Variants in FGFRL1 observed in about 807,000 individuals in gnomAD.
FGFRL1 encodes fibroblast growth factor receptor-like 1.
FGFRL1 carries 24 observed loss-of-function variants against 36.8 expected under a neutral mutation model. The observed-to-expected ratio is 0.65, with a 90% confidence interval of 0.47 to 0.92. The LOEUF (loss-of-function observed/expected upper bound fraction) is 0.92. Among genes scored for constraint, FGFRL1 ranks in the 40% least tolerant of loss-of-function variants. The pLI is 0.00. For synonymous variants in FGFRL1, 422 were observed against 344.1 expected, an observed-to-expected ratio of 1.23 and a Z score of -2.50; for missense variants, 785 against 753.4, an observed-to-expected ratio of 1.04 and a Z score of -0.49.
intron 2 of FGFRL1, among the ~76,000 whole-genome samples, chr4:1,018,645 TC>T (rs1454733647): frequency 2.6e-5 from 4 of 152,122 alleles, no homozygotes; most frequent in Non-Finnish European, 5.9e-5. Context: ...CGGCGGGGGT[TC>T]CCTGTGTTTC....
At chr4:1,022,143 C>A (rs1716216155) in intron 2 of FGFRL1, 60 bp from the exon 3 acceptor site, 2 of 1,281,500 alleles carry the variant, frequency 1.6e-6, no homozygotes, top group Non-Finnish European at 2.1e-6. Context: ...CTTTTGACCG[C>A]CCCCCCGGCT....
Position 1,024,925 on chromosome 4 carries a change from C to T in FGFRL1, c.1093C>T (p.Pro365Ser). The stretch of plus-strand genomic sequence containing the variant: ...TGCAGACCCAAAACCGCCAGGGCCA[C>T]CTGTGGCCTCCTCGTCCTCGGCCAC... The part of the protein sequence containing the change: ...VLPDPKPPGP[P>S]VASSSSATSL... Residue 365 changes from proline (P) to serine (S), a missense_variant, in exon 7 of 7, where the codon CCT becomes TCT. Coordinates refer to ENST00000510644, the MANE Select transcript of FGFRL1 (RefSeq NM_001004356.3). The T allele has an allele frequency of 6.3e-7, 1 of 1,599,258 alleles. No individual in the cohort carries two copies. Among genetic ancestry groups the T allele is most frequent in the Non-Finnish European group, 8.5e-7 (1 of 1,176,070 alleles).
chr4:1,024,705 G>C, intron 6 of FGFRL1, 41 bp downstream of exon 6: 2 of 1,544,122 alleles, frequency 1.3e-6, no homozygotes, highest in Non-Finnish European at 1.7e-6. Context: ...GCTGGTGCCC[G>C]GACCCGCCCC....
At chr4:1,013,642 T>C (rs1233713427) in intron 2 of FGFRL1, among the ~76,000 whole-genome samples, 2 of 152,234 alleles carry the variant, frequency 1.3e-5, no homozygotes, top group Admixed American at 6.5e-5. Context: ...GCCCCTACCA[T>C]GGCCAGCGGC....
Position 1,025,518 on chromosome 4 carries a change from C to T in FGFRL1, c.*171C>T. The T allele has an allele frequency of 2.5e-6, 2 of 789,822 alleles. No individual in the cohort carries two copies. Among genetic ancestry groups the T allele is most frequent in the Middle Eastern group, 2.8e-4 (1 of 3,560 alleles). The allele number at this position is 789,822 out of a possible 1,614,324, so 48.9% of individuals were successfully genotyped here. A position where few individuals can be genotyped will look rare whatever the true frequency, so the allele number is the denominator to read the frequency against. Reference sequence around the variant, plus strand: ...CCCTGGACACACACACACAGACACACACACTGCCTGGATGCATGTATGCAC... The same window carrying T: ...CCCTGGACACACACACACAGACACATACACTGCCTGGATGCATGTATGCAC... On this transcript the variant is annotated 3_prime_UTR_variant, in exon 7 of 7. Coordinates refer to ENST00000510644, the MANE Select transcript of FGFRL1 (RefSeq NM_001004356.3).
At chr4:1,015,848 C>T (rs926565017) in intron 2 of FGFRL1, among the ~76,000 whole-genome samples, 1 of 152,230 alleles carries the variant, frequency 6.6e-6, no homozygotes, top group African/African-American at 2.4e-5. Context: ...CCAGTGGCTT[C>T]AAGGCCCTCT....
At chr4:1,017,276 C>T (rs545216119) in intron 2 of FGFRL1, among the ~76,000 whole-genome samples, 1 of 111,870 alleles carries the variant, frequency 8.9e-6, no homozygotes, top group Non-Finnish European at 2.3e-5. Context: ...TCCACTCTGG[C>T]CTCGTTCGGC....
chr4:1,012,984 A>G (rs13143527), intron 2 of FGFRL1, among the ~76,000 whole-genome samples: 87,118 of 152,090 alleles, frequency 0.57, 25,483 homozygotes, highest in African/African-American at 0.61. Context: ...AGGATGGGCT[A>G]TGGGAGATAT....
At position 1,026,787 on chromosome 4, in the gene FGFRL1, C is replaced by A. The variant is rs375839578; in HGVS notation, c.*1440C>A. On this transcript the variant is annotated 3_prime_UTR_variant, in exon 7 of 7. Coordinates refer to ENST00000510644, the MANE Select transcript of FGFRL1 (RefSeq NM_001004356.3). ...CCCGTCCAGGCCAGACACCACCCCC[C>A]ACCCCACTGTCGTGGTGGCCCCAGA... The A allele has an allele frequency of 4.4e-6, 2 of 450,470 alleles. No individual in the cohort carries two copies. Among genetic ancestry groups the A allele is most frequent in the South Asian group, 1.6e-5 (1 of 63,178 alleles). 27.9% of individuals were successfully genotyped at this position (450,470 alleles called of 1,614,324 possible). A position where few individuals can be genotyped will look rare whatever the true frequency, so the allele number is the denominator to read the frequency against.
chr4:1,010,279 A>G (rs1715520854), upstream of FGFRL1: 1 of 152,252 alleles, frequency 6.6e-6, no homozygotes, highest in South Asian at 2.1e-4. Context: ...CCCCGGGTGC[A>G]CAGCGGCGGC....
At chr4:1,014,854 A>C (rs1177554934) in intron 2 of FGFRL1, among the ~76,000 whole-genome samples, 11 of 152,128 alleles carry the variant, frequency 7.2e-5, no homozygotes, top group Non-Finnish European at 1.6e-4. Flanking sequence ...AGGGAAAATA[A>C]ATCACTGTCC....
chr4:1,024,189 G>A (rs928033143), intron 5 of FGFRL1, 88 bp downstream of exon 5: 3 of 1,184,216 alleles, frequency 2.5e-6, no homozygotes, highest in Non-Finnish European at 2.2e-6. Context: ...GGGGGCGCTG[G>A]TGGGCGGGGG....
At chr4:1,019,404 C>T (rs1045490247) in intron 2 of FGFRL1, among the ~76,000 whole-genome samples, 2 of 152,240 alleles carry the variant, frequency 1.3e-5, no homozygotes, top group African/African-American at 4.8e-5. Context: ...CCAGGCACCC[C>T]TGCAGGCTGT....
At position 1,022,255 on chromosome 4, in the gene FGFRL1, C is replaced by T; in HGVS notation, c.132C>T (p.Gly44=). The change falls in exon 3 of 7, where the codon GGC becomes GGT. Residue 44 remains glycine, a synonymous_variant. Coordinates refer to ENST00000510644, the MANE Select transcript of FGFRL1 (RefSeq NM_001004356.3). ...TCCCACGGCAGGTGGCCCGGCTGGG[C>T]CGCACTGTGCGGCTGCAGTGCCCAG... ...KVVPRQVARL[G]RTVRLQCPVE... 6.3e-7 allele frequency: 1 copy of T among 1,584,062 alleles called. No homozygotes were observed. The highest frequency in any genetic ancestry group is 8.6e-7 in the Non-Finnish European group (1 of 1,165,768).
Position 1,023,983 on chromosome 4 carries a change from G to A in FGFRL1, c.600G>A (p.Arg200=). Residue 200 remains arginine (R), a synonymous_variant, in exon 5 of 7, where the codon AGG becomes AGA. Coordinates refer to ENST00000510644, the MANE Select transcript of FGFRL1 (RefSeq NM_001004356.3). This position sits in a 1 kb window ranked among gnomAD's most constrained non-coding sequence, Gnocchi z 6.0. The part of the protein sequence containing the change: ...ALTRPEAAEP[R]KKKWTLSLKN... ...CGCGCCCAGAGGCCGCTGAGCCCAG[G>A]AAGAAGAAGTGGACACTGAGCCTGA... is the stretch of plus-strand genomic sequence containing the variant. The A allele has an allele frequency of 1.2e-6, 2 of 1,603,928 alleles. No homozygotes were observed. The highest frequency in any genetic ancestry group is 8.5e-7 in the Non-Finnish European group (1 of 1,176,974).
rs767784488 is a variant in FGFRL1, at chr4:1,012,493, C to T, written c.8C>T (p.Pro3Leu). MT[P>L]SPLLLLLLPP... is the part of the protein sequence containing the mutation. Reference sequence around the variant, plus strand: ...AGGTCCGGACAGGCCGAGATGACGCCGAGCCCCCTGTTGCTGCTCCTGCTG... The same window carrying T: ...AGGTCCGGACAGGCCGAGATGACGCTGAGCCCCCTGTTGCTGCTCCTGCTG... The change falls in exon 2 of 7, where the codon CCG becomes CTG. Residue 3 changes from proline to leucine, a missense_variant. By Grantham distance (98) the Pro-to-Leu change is moderately conservative (BLOSUM62 -3). Coordinates refer to ENST00000510644, the MANE Select transcript of FGFRL1 (RefSeq NM_001004356.3). 8.3e-6 allele frequency: 13 copies of T among 1,574,294 alleles called. No individual in the cohort carries two copies. The highest frequency in any genetic ancestry group is 2.3e-5 in the South Asian group (2 of 87,520).
intron 2 of FGFRL1, among the ~76,000 whole-genome samples, chr4:1,013,062 C>G (rs554851137): frequency 2.3e-4 from 35 of 152,332 alleles, no homozygotes; most frequent in African/African-American, 7.2e-4. Flanking sequence ...CCGACCTAGC[C>G]GTGTGCCCTG....
chr4:1,012,586 GGCCAGCCTGGCCTCC>G, intron 2 of FGFRL1, 22 bp downstream of exon 2: 1 of 1,156,426 alleles, frequency 8.6e-7, no homozygotes, highest in Non-Finnish European at 1.2e-6. Flanking sequence ...CGCCCAGCCC[GGCCAGCCTGGCCTCC>G]GCCAGCGCCG....
rs910203674 is a variant in FGFRL1 at position 1,025,796 on chromosome 4, C to T, written c.*449C>T. On this transcript the variant is annotated 3_prime_UTR_variant, in exon 7 of 7. Coordinates refer to ENST00000510644, the MANE Select transcript of FGFRL1 (RefSeq NM_001004356.3). ...TGCAGATATGGTATCCGGACACACA[C>T]GTGCACAGATATGCTGCCTGGACAC... The T allele has an allele frequency of 5.7e-5, 13 of 227,320 alleles. No individual in the cohort carries two copies. Among genetic ancestry groups the T allele is most frequent in the South Asian group, 2.0e-4 (3 of 14,928 alleles). The allele number at this position is 227,320 out of a possible 1,614,324, so 14.1% of individuals were successfully genotyped here.
Sources: gnomAD v4.1 joint callset for allele counts (sites outside exome capture counted in the v4.1 genomes callset) on GRCh38, gnomAD v4.1.1 for gene constraint, Gnocchi (gnomAD v3.1) non-coding constraint, MANE v1.5 for transcripts, NCBI Gene and HGNC (gene_info 2026-07-23, HGNC 2026-07-21) for gene names.